The following ACOX3 variants were observed in gnomAD, a reference collection of about 807,000 sequenced individuals.
The protein encoded by ACOX3 is acyl-CoA oxidase 3, pristanoyl, also known as peroxisomal acyl-coenzyme A oxidase 3.
Under a neutral mutation model 81.5 loss-of-function variants are expected in ACOX3, and 73 were observed. The observed-to-expected ratio is 0.90, with a 90% CI of 0.74 to 1.09. The LOEUF is 1.09. Ranked by LOEUF, ACOX3 falls within the 50% of genes least tolerant of loss-of-function variation. The pLI is 0.00. For synonymous variants in ACOX3, 387 were observed against 375.1 expected (o/e 1.03, Z -0.37); for missense variants, 947 against 928.0 (o/e 1.02, Z -0.27).
Position 8,415,722 on chromosome 4 carries a change from G to A in ACOX3, c.378+44C>T, listed in dbSNP as rs376240974. 93 of 1,566,786 alleles carry A rather than the reference G, an allele frequency of 5.9e-5. 1 individual carries two copies. The highest frequency in any genetic ancestry group is 7.2e-5 in the Non-Finnish European group (82 of 1,139,554). On this transcript the variant is annotated intron_variant, in intron 3 of 17. Transcript: ENST00000356406. The stretch of plus-strand genomic sequence containing the variant: ...GGACAGGCATCCCTCAAGGCTCAGC[G>A]CAGCATGAAAGCCGTTTCCCTCTCC...
intron 11 of ACOX3, among the ~76,000 whole-genome samples, chr4:8,391,028 T>TA (rs1314332563): frequency 1.5e-5 from 2 of 135,100 alleles, no homozygotes; most frequent in Non-Finnish European, 3.2e-5. Flanking sequence ...TATGTATATG[T>TA]ATGTGTATAT....
At chr4:8,392,640 A>T (rs755239621) in intron 10 of ACOX3, among the ~76,000 whole-genome samples, 187 bp from the exon 11 acceptor site, 13 of 152,234 alleles carry the variant, frequency 8.5e-5, no homozygotes, top group Admixed American at 2.6e-4. Context: ...GTATGGATAC[A>T]CTGTGGTACG....
At chr4:8,415,415 TTA>T (rs1202995087) in intron 3 of ACOX3, among the ~76,000 whole-genome samples, 3 of 151,646 alleles carry the variant, frequency 2.0e-5, no homozygotes, top group Non-Finnish European at 4.4e-5. Context: ...TTAAATTTTT[TTA>T]TTTTTTTTTT....
intron 1 of ACOX3, among the ~76,000 whole-genome samples, chr4:8,417,799 T>G (rs1722504107): frequency 6.6e-6 from 1 of 152,192 alleles, no homozygotes. Context: ...ATTGGCAAAC[T>G]TTCAGCTAGA....
downstream of ACOX3, among the ~76,000 whole-genome samples, chr4:8,364,702 T>C (rs548162385): frequency 1.3e-5 from 2 of 152,376 alleles, no homozygotes; most frequent in South Asian, 4.1e-4. This position sits in a 1 kb window ranked among gnomAD's most constrained non-coding sequence, Gnocchi z 5.0. Flanking sequence ...TGTTTTTTTC[T>C]GTAAACCTTG....
chr4:8,425,202 A>AAGG (rs1723343665), intron 1 of ACOX3, among the ~76,000 whole-genome samples: 1 of 151,882 alleles, frequency 6.6e-6, no homozygotes, highest in African/African-American at 2.4e-5. Context: ...GAAAGGAAAG[A>AAGG]GAAATAGAAG....
At chr4:8,412,411 AAAGAATGAATGGATGGATGG>A (rs1470492786) in intron 5 of ACOX3, among the ~76,000 whole-genome samples, 6,103 of 150,842 alleles carry the variant, frequency 0.04, 365 homozygotes, top group African/African-American at 0.093. Flanking sequence ...TGGATGGATG[AAAGAATGAATGGATGGATGG>A]AAGAATGAAT....
rs1321098073 is a variant in ACOX3 at position 8,386,210 on chromosome 4, G to C, written c.1537+2963C>G. On this transcript the variant is annotated intron_variant, in intron 13 of 17. Transcript: ENST00000356406. This position sits in a 1 kb window ranked among gnomAD's most constrained non-coding sequence, Gnocchi z 5.2. ...TTAGGAAAAAGGTATTGGTTGGGTT[G>C]AAGTTACCACAATGATTAGGTCATT... is the stretch of plus-strand genomic sequence containing the variant. Among the ~76,000 whole-genome samples, 1 of 152,194 alleles carries C rather than the reference G, an allele frequency of 6.6e-6. No individual in the cohort carries two copies. The highest frequency in any genetic ancestry group is 2.4e-5 in the African/African-American group (1 of 41,438).
At chr4:8,422,018 G>A (rs948471063) in intron 1 of ACOX3, among the ~76,000 whole-genome samples, 1 of 152,228 alleles carries the variant, frequency 6.6e-6, no homozygotes, top group Non-Finnish European at 1.5e-5. Flanking sequence ...GGAAGAAAGC[G>A]AATTGAGTAA....
chr4:8,415,676 T>C lies in ACOX3; in HGVS notation c.378+90A>G. ...ATATAGCTGGACAAACTGGTGTTTCTCTGCCTCTTGGTTGGCCCTGGGACA... is the reference window on the plus strand; with the variant it reads ...ATATAGCTGGACAAACTGGTGTTTCCCTGCCTCTTGGTTGGCCCTGGGACA... On this transcript the variant is annotated intron_variant, in intron 3 of 17. Coordinates refer to ENST00000356406, the MANE Select transcript of ACOX3 (RefSeq NM_003501.3). The C allele has an allele frequency of 2.7e-6, 3 of 1,122,098 alleles. No individual in the cohort carries two copies. The South Asian group carries it at 4.2e-5, about 16-fold the overall frequency. 69.5% of individuals were successfully genotyped at this position (1,122,098 alleles called of 1,614,324 possible). A position where few individuals can be genotyped will look rare whatever the true frequency, so the allele number is the denominator to read the frequency against.
At position 8,407,287 on chromosome 4, in the gene ACOX3, T is replaced by C. The variant is rs1012453878; in HGVS notation, c.688-1244A>G. On this transcript the variant is annotated intron_variant, in intron 6 of 17. Transcript: ENST00000356406. The surrounding 1 kb of genome is among the most constrained non-coding windows in gnomAD (Gnocchi z 4.6). ...ACAAACTAATGATTATTGATATTCA[T>C]ATATAATCATATCTAAGATCTATAT... is the stretch of plus-strand genomic sequence containing the variant. Among the ~76,000 whole-genome samples, 2 of 152,278 alleles carry C rather than the reference T, an allele frequency of 1.3e-5. No individual in the cohort carries two copies. The highest frequency in any genetic ancestry group is 1.3e-4 in the Admixed American group (2 of 15,292).
Position 8,416,157 on chromosome 4 carries a change from G to C in ACOX3, c.145-158C>G, listed in dbSNP as rs564628437. Among the ~76,000 whole-genome samples, 2 of 152,272 alleles carry C rather than the reference G, an allele frequency of 1.3e-5. No individual in the cohort carries two copies. The highest frequency in any genetic ancestry group is 4.1e-4 in the South Asian group (2 of 4,820). On this transcript the variant is annotated intron_variant, in intron 2 of 17. Transcript: ENST00000356406. The surrounding 1 kb of genome is among the most constrained non-coding windows in gnomAD (Gnocchi z 4.2). ...TGACTATCATTCCCAATGGACTAGA[G>C]GACTGGAGGCTTAAGAAACATCAAC...
intron 1 of ACOX3, among the ~76,000 whole-genome samples, chr4:8,434,477 G>A (rs1032169796): frequency 1.1e-4 from 17 of 152,258 alleles, no homozygotes; most frequent in Admixed American, 1.1e-3. Context: ...ATCCCTGTGG[G>A]GGGCTCCAGC....
rs73209473 is a variant in ACOX3, at chr4:8,386,775, G to A, written c.1537+2398C>T. On this transcript the variant is annotated intron_variant, in intron 13 of 17. Transcript: ENST00000356406. The surrounding 1 kb of genome is among the most constrained non-coding windows in gnomAD (Gnocchi z 5.2). The stretch of plus-strand genomic sequence containing the variant: ...ATGCTGACGGTGCGGGCAGGGGAAG[G>A]CGCTGGGAAGCCGGACCGGCCCAGG... Among the ~76,000 whole-genome samples the A allele has an allele frequency of 0.015, 2,326 of 152,252 alleles. 31 individuals are homozygous for A. The highest frequency in any genetic ancestry group is 0.035 in the South Asian group (167 of 4,824).
chr4:8,371,790 G>C (rs934127268), intron 16 of ACOX3, among the ~76,000 whole-genome samples: 1 of 152,262 alleles, frequency 6.6e-6, no homozygotes, highest in Non-Finnish European at 1.5e-5. Context: ...AGAAGCTCTC[G>C]GCAGAGCACA....
At chr4:8,428,867 G>A (rs937652750) in intron 1 of ACOX3, among the ~76,000 whole-genome samples, 2 of 152,198 alleles carry the variant, frequency 1.3e-5, no homozygotes, top group African/African-American at 4.8e-5. Flanking sequence ...TTGAGGCCAG[G>A]AGTTTGAGAC....
chr4:8,366,755 T>G lies in ACOX3; in HGVS notation c.*206A>C, dbSNP rs1715493130. The stretch of plus-strand genomic sequence containing the variant: ...CTGCATTTCTTTTCCACGCTGCAAA[T>G]CACCGCGATCCCAGATTAGTCCAGC... On this transcript the variant is annotated 3_prime_UTR_variant, in exon 18 of 18. Transcript: ENST00000356406. The G allele has an allele frequency of 7.6e-6, 4 of 528,634 alleles. No homozygotes were observed. 32.7% of individuals were successfully genotyped at this position (528,634 alleles called of 1,614,324 possible).
At position 8,386,181 on chromosome 4, in the gene ACOX3, G is replaced by A. The variant is rs1718267662; in HGVS notation, c.1537+2992C>T. Among the ~76,000 whole-genome samples, 1 of 152,100 alleles carries A rather than the reference G, an allele frequency of 6.6e-6. No homozygotes were observed. The highest frequency in any genetic ancestry group is 1.5e-5 in the Non-Finnish European group (1 of 68,000). On this transcript the variant is annotated intron_variant, in intron 13 of 17. Coordinates refer to ENST00000356406, the MANE Select transcript of ACOX3 (RefSeq NM_003501.3). The surrounding 1 kb of genome is among the most constrained non-coding windows in gnomAD (Gnocchi z 5.2). ...TGATTTTATTAATATAAGGAGTGAT[G>A]GTTTTAGGAAAAAGGTATTGGTTGG...
In ACOX3 at chr4:8,432,251, C is replaced by T. The variant is rs1243854389; in HGVS notation, c.-15+8397G>A. Among the ~76,000 whole-genome samples the T allele has an allele frequency of 2.6e-5, 4 of 151,006 alleles. No individual in the cohort carries two copies. The highest frequency in any genetic ancestry group is 1.9e-4 in the East Asian group (1 of 5,160). On this transcript the variant is annotated intron_variant, in intron 1 of 17. Transcript: ENST00000356406. The surrounding 1 kb of genome is among the most constrained non-coding windows in gnomAD (Gnocchi z 6.2). The stretch of plus-strand genomic sequence containing the variant: ...GCTTGAGCCAATGAATTTTTTTTTT[C>T]GAGATGGAGTCTCGCTCTGTTGCCC...
Sources: gnomAD v4.1 joint callset for allele counts (sites outside exome capture counted in the v4.1 genomes callset) on GRCh38, gnomAD v4.1.1 for gene constraint, Gnocchi (gnomAD v3.1) non-coding constraint, MANE v1.5 for transcripts, NCBI Gene and HGNC (gene_info 2026-07-23, HGNC 2026-07-21) for gene names.